Variants in PLA2R1 observed in about 807,000 individuals in gnomAD.
PLA2R1 encodes secretory phospholipase A2 receptor.
In PLA2R1, 158 loss-of-function variants were observed where a neutral mutation model predicts 195.9. The ratio of observed to expected loss-of-function variants is 0.81; its 90% CI spans 0.71 to 0.92. PLA2R1 has a LOEUF of 0.92. Among genes scored for constraint, PLA2R1 ranks in the 40% least tolerant of loss-of-function variants. The pLI is 0.00. For missense variants in PLA2R1, 1,626 were observed against 1,764.6 expected, an observed-to-expected ratio of 0.92 and a Z score of 1.41; for synonymous variants, 586 against 598.2, an observed-to-expected ratio of 0.98 and a Z score of 0.30.
In PLA2R1 at chr2:159,937,622, A is replaced by G. The variant is rs1191057239; in HGVS notation, c.*4156T>C. 1 of 152,246 alleles carries G rather than the reference A, an allele frequency of 6.6e-6. No homozygotes were observed. The highest frequency in any genetic ancestry group is 2.4e-5 in the African/African-American group (1 of 41,466). The allele number at this position is 152,246 out of a possible 1,614,324, so 9.4% of individuals were successfully genotyped here. On this transcript the variant is annotated 3_prime_UTR_variant, in exon 30 of 30. Transcript: ENST00000283243. ...TAAGATGTTAGGTTCTTGGCAACAC[A>G]TGCTTCACTTTGCTTTCACCAGACT... is the stretch of plus-strand genomic sequence containing the variant.
intron 1 of PLA2R1, among the ~76,000 whole-genome samples, chr2:160,053,354 G>C (rs996596497): frequency 8.6e-5 from 13 of 150,698 alleles, no homozygotes; most frequent in African/African-American, 2.9e-4. Flanking sequence ...TTGGTGGGGG[G>C]GGGGGGAACA....
At chr2:159,969,450 G>T in intron 18 of PLA2R1, 91 bp from the exon 19 acceptor site, 1 of 670,874 alleles carries the variant, frequency 1.5e-6, no homozygotes. Context: ...AGGGATTGAA[G>T]ATATAATATT....
rs369055193 is a variant in PLA2R1 at position 159,955,363 on chromosome 2, G to A, written c.3154-17C>T. The A allele has an allele frequency of 4.7e-5, 71 of 1,515,646 alleles. No individual in the cohort carries two copies. The highest frequency in any genetic ancestry group is 5.7e-5 in the Non-Finnish European group (63 of 1,100,708). The allele number at this position is 1,515,646 out of a possible 1,614,324, so 93.9% of individuals were successfully genotyped here. On this transcript the variant is annotated splice_polypyrimidine_tract_variant and intron_variant, in intron 22 of 29. Coordinates refer to ENST00000283243, the MANE Select transcript of PLA2R1 (RefSeq NM_007366.5). ...ACTTGGAATCTTTAAAATAATACAC[G>A]TTATCAAAAGTATGATAACATATAG...
rs1453975389 is a variant in PLA2R1, at chr2:160,013,687, CTCTCTCTCTCTCTCTG to C, written c.1552-328_1552-313del. ...TCTACCTCTCTCTTTCTCTCTCTCT[CTCTCTCTCTCTCTCTG>C]TCTCTCTCTCTCTCTCTCTGTGTGT... On this transcript the variant is annotated intron_variant, in intron 9 of 29. Transcript: ENST00000283243. Among the ~76,000 whole-genome samples, 164 of 141,452 alleles carry C rather than the reference CTCTCTCTCTCTCTCTG, an allele frequency of 1.2e-3. 4 individuals are homozygous for C. In the South Asian group the frequency reaches 0.023, roughly 19 times the overall value. The allele number at this position is 141,452 out of a possible 152,430, so 92.8% of individuals were successfully genotyped here.
At chr2:160,026,026 G>C (rs953627778) in intron 6 of PLA2R1, among the ~76,000 whole-genome samples, 19 of 152,168 alleles carry the variant, frequency 1.2e-4, no homozygotes, top group African/African-American at 3.9e-4. Context: ...TGTCACAGTG[G>C]GGGAAATGGG....
chr2:159,949,992 A>C (rs1412701412), intron 24 of PLA2R1, among the ~76,000 whole-genome samples: 1 of 152,230 alleles, frequency 6.6e-6, no homozygotes, highest in African/African-American at 2.4e-5. Flanking sequence ...TCCCTGCCAC[A>C]ATGATTTTCT....
intron 25 of PLA2R1, among the ~76,000 whole-genome samples, chr2:159,948,406 ATTTTTTT>A (rs1053050325): frequency 7.0e-6 from 1 of 143,750 alleles, no homozygotes; most frequent in African/African-American, 2.6e-5. Context: ...AGATAATTGA[ATTTTTTT>A]TTTTTTTTAA....
intron 20 of PLA2R1, among the ~76,000 whole-genome samples, chr2:159,958,289 T>C (rs1383841583): frequency 1.3e-5 from 2 of 152,176 alleles, no homozygotes; most frequent in South Asian, 2.1e-4. Context: ...CCATGTGACA[T>C]GCTGGTTCCC....
At chr2:159,979,959 A>G (rs1560171982) in intron 13 of PLA2R1, 45 bp from the exon 14 acceptor site, 1 of 1,162,746 alleles carries the variant, frequency 8.6e-7, no homozygotes, top group East Asian at 2.4e-5. Flanking sequence ...CATCAAATTT[A>G]CAGCATTATG....
chr2:160,004,388 A>G (rs1055721410), intron 11 of PLA2R1, among the ~76,000 whole-genome samples: 1 of 152,232 alleles, frequency 6.6e-6, no homozygotes, highest in African/African-American at 2.4e-5. Flanking sequence ...AGTTGGGATT[A>G]GCAAACCACC....
At chr2:160,001,464 T>G (rs796958829) in intron 11 of PLA2R1, among the ~76,000 whole-genome samples, 90 of 152,108 alleles carry the variant, frequency 5.9e-4, no homozygotes, top group African/African-American at 2.1e-3. Flanking sequence ...TCCAATTCTA[T>G]ACATAATCAC....
intron 3 of PLA2R1, among the ~76,000 whole-genome samples, chr2:160,038,647 A>G (rs1343714513): frequency 6.6e-6 from 1 of 152,128 alleles, no homozygotes; most frequent in African/African-American, 2.4e-5. Context: ...TTTTGCCATT[A>G]TGAGGTAGGA....
At chr2:160,057,398 C>T (rs1430327791) in intron 1 of PLA2R1, among the ~76,000 whole-genome samples, 1 of 152,190 alleles carries the variant, frequency 6.6e-6, no homozygotes. Context: ...GAGTGACCTT[C>T]AGTGGGCCTC....
intron 4 of PLA2R1, among the ~76,000 whole-genome samples, chr2:160,030,329 T>C (rs531478934): frequency 5.9e-5 from 9 of 152,386 alleles, no homozygotes; most frequent in South Asian, 2.1e-4. Flanking sequence ...CTCTTTCTAA[T>C]GTCTATTTGA....
rs144762205 is a variant in PLA2R1, at chr2:160,042,591, C to T, written c.494-393G>A. 5.4e-4 allele frequency among the ~76,000 whole-genome samples: 82 copies of T among 152,192 alleles called. 1 individual carries two copies. In the East Asian group the frequency reaches 0.015, roughly 27 times the overall value. On this transcript the variant is annotated intron_variant, in intron 2 of 29. Transcript: ENST00000283243. ...ATTCATAGGCATTTATTAATTTATTCATTCAATAAATATTTATTGAACATT... is the reference window on the plus strand; with the variant it reads ...ATTCATAGGCATTTATTAATTTATTTATTCAATAAATATTTATTGAACATT...
chr2:159,980,994 TGGC>T (rs1335582150), intron 13 of PLA2R1, among the ~76,000 whole-genome samples: 2 of 152,168 alleles, frequency 1.3e-5, no homozygotes, highest in African/African-American at 4.8e-5. Flanking sequence ...AAGGTGAGAA[TGGC>T]CACCTTCAGT....
chr2:160,040,218 A>C (rs1335279019), intron 3 of PLA2R1, among the ~76,000 whole-genome samples: 1 of 152,082 alleles, frequency 6.6e-6, no homozygotes. Flanking sequence ...ATAAAATAAT[A>C]AAATGCTTTC....
Position 160,005,822 on chromosome 2 carries a change from C to T in PLA2R1, c.1665-1G>A. On this transcript the variant is annotated splice_acceptor_variant, in intron 10 of 29. Transcript: ENST00000283243. LOFTEE classifies it high-confidence loss of function. ...ACTGGTAATAAAAGCCTGTTCAAACCTTAAAAGGGGAAAAAAGAAGTGGTT... is the reference window on the plus strand; with the variant it reads ...ACTGGTAATAAAAGCCTGTTCAAACTTTAAAAGGGGAAAAAAGAAGTGGTT... 1 of 1,604,640 alleles carries T rather than the reference C, an allele frequency of 6.2e-7. No homozygotes were observed. The highest frequency in any genetic ancestry group is 1.1e-5 in the South Asian group (1 of 90,502).
Position 159,979,840 on chromosome 2 carries a change from T to C in PLA2R1, c.2258A>G (p.Asp753Gly). The C allele has an allele frequency of 1.3e-6, 2 of 1,592,258 alleles. No homozygotes were observed. Among genetic ancestry groups the C allele is most frequent in the Non-Finnish European group, 1.7e-6 (2 of 1,160,974 alleles). Residue 753 changes from aspartate to glycine, a missense_variant, in exon 14 of 30, where the codon GAT becomes GGT. Asp to Gly is a moderately conservative substitution (Grantham distance 94, BLOSUM62 -1). Transcript: ENST00000283243. Reference protein sequence around the residue: ...PLNAGSWEWSDRTPVVSSFLD... With the variant: ...PLNAGSWEWSGRTPVVSSFLD... ...TTTGAAAAGACTTACAGGAGTTCTA[T>C]CAGACCACTCCCATGAGCCGGCATT...
Sources: gnomAD v4.1 joint callset for allele counts (sites outside exome capture counted in the v4.1 genomes callset) on GRCh38, gnomAD v4.1.1 for gene constraint, MANE v1.5 for transcripts, NCBI Gene and HGNC (gene_info 2026-07-23, HGNC 2026-07-21) for gene names.